The following ELFN1 variants were observed in gnomAD, a reference collection of about 807,000 sequenced individuals.
ELFN1 encodes the protein extracellular leucine rich repeat and fibronectin type III domain containing 1.
ELFN1 carries 6 observed loss-of-function variants against 7.6 expected under a neutral mutation model. That is an observed-to-expected ratio of 0.79 (90% CI 0.43 to 1.56). The LOEUF (loss-of-function observed/expected upper bound fraction) is 1.56. ELFN1 is among the 40% of genes most tolerant of loss of function. The pLI, the probability that ELFN1 is intolerant of heterozygous loss-of-function variation, is 0.01. For missense variants in ELFN1, 1,169 were observed against 1,232.2 expected, an observed-to-expected ratio of 0.95 and a Z score of 0.77; for synonymous variants, 657 against 588.1, an observed-to-expected ratio of 1.12 and a Z score of -1.70.
intron 2 of ELFN1, chr7:1,693,983 C>T (rs1779241848): frequency 5.3e-6 from 2 of 377,758 alleles, no homozygotes; most frequent in African/African-American, 2.1e-5. Flanking sequence ...TGGAGCAATA[C>T]AGCCCTGTCT....
intron 3 of ELFN1, among the ~76,000 whole-genome samples, chr7:1,726,130 G>A (rs927168423): frequency 2.6e-5 from 4 of 152,108 alleles, no homozygotes; most frequent in African/African-American, 9.7e-5. Flanking sequence ...GGCCTAGTGG[G>A]TCTTCGGCTG....
chr7:1,697,480 C>T (rs1305411557), intron 2 of ELFN1, among the ~76,000 whole-genome samples: 3 of 152,198 alleles, frequency 2.0e-5, no homozygotes, highest in African/African-American at 7.2e-5. Flanking sequence ...TGCCAGGTCC[C>T]GGCACAGCCG....
Position 1,747,257 on chromosome 7 carries a change from T to C in ELFN1, c.*174T>C. On this transcript the variant is annotated 3_prime_UTR_variant, in exon 4 of 4. Coordinates refer to ENST00000424383, the MANE Select transcript of ELFN1 (RefSeq NM_001128636.4). ...ACAAGGGGGACACGTCCCGAGCTCC[T>C]GTGGCCGGTCCTGGGATGCGCTTGT... 1 of 685,342 alleles carries C rather than the reference T, an allele frequency of 1.5e-6. No individual in the cohort carries two copies. The highest frequency in any genetic ancestry group is 2.2e-6 in the Non-Finnish European group (1 of 454,192). 42.5% of individuals were successfully genotyped at this position (685,342 alleles called of 1,614,324 possible). A position where few individuals can be genotyped will look rare whatever the true frequency, so the allele number is the denominator to read the frequency against.
intron 1 of ELFN1, among the ~76,000 whole-genome samples, chr7:1,684,427 C>G (rs373064182): frequency 1.6e-4 from 24 of 152,204 alleles, no homozygotes; most frequent in African/African-American, 5.5e-4. Flanking sequence ...CTGACAATCT[C>G]TGCTTTTTAT....
At chr7:1,693,224 C>T (rs1025377930) in intron 2 of ELFN1, 16 of 406,778 alleles carry the variant, frequency 3.9e-5, no homozygotes, top group Admixed American at 2.1e-4. Flanking sequence ...TGTTCATGGC[C>T]GCGTGGACAC....
intron 3 of ELFN1, among the ~76,000 whole-genome samples, chr7:1,730,819 A>T (rs540995576): frequency 1.3e-5 from 2 of 152,368 alleles, no homozygotes; most frequent in South Asian, 4.1e-4. Context: ...CATAGCAATA[A>T]GACATGAAAC....
intron 2 of ELFN1, among the ~76,000 whole-genome samples, chr7:1,701,557 C>T (rs909427268): frequency 3.9e-5 from 6 of 152,062 alleles, no homozygotes; most frequent in African/African-American, 1.4e-4. Flanking sequence ...TGCTTGTAAT[C>T]CCAGCACTTT....
chr7:1,693,539 A>G (rs1562362223), intron 2 of ELFN1: 1 of 471,240 alleles, frequency 2.1e-6, no homozygotes, highest in Non-Finnish European at 4.4e-6. Flanking sequence ...GTGCAAGAAC[A>G]CATACACGCC....
rs144318567 is a variant in ELFN1 at position 1,714,894 on chromosome 7, C to A, written c.-294+5642C>A. On this transcript the variant is annotated intron_variant, in intron 3 of 3. Coordinates refer to ENST00000424383, the MANE Select transcript of ELFN1 (RefSeq NM_001128636.4). Reference sequence around the variant, plus strand: ...AGACAGCAGCAGTGGAGCTGGTACACAGCCTAAGGGGGTTGTCAATGGTCC... The same window carrying A: ...AGACAGCAGCAGTGGAGCTGGTACAAAGCCTAAGGGGGTTGTCAATGGTCC... 7.0e-3 allele frequency among the ~76,000 whole-genome samples: 1,072 copies of A among 152,334 alleles called. 10 individuals are homozygous for A. The highest frequency in any genetic ancestry group is 0.024 in the African/African-American group (989 of 41,574).
At chr7:1,734,114 A>G (rs1003767481) in intron 3 of ELFN1, among the ~76,000 whole-genome samples, 4 of 152,308 alleles carry the variant, frequency 2.6e-5, no homozygotes, top group Admixed American at 6.5e-5. Flanking sequence ...AGGTCAGACT[A>G]AAGATAGAAC....
chr7:1,706,092 G>A (rs767177929), intron 2 of ELFN1, among the ~76,000 whole-genome samples: 18 of 152,260 alleles, frequency 1.2e-4, no homozygotes, highest in Non-Finnish European at 2.4e-4. Flanking sequence ...CCGATCCACC[G>A]CGGACCACAT....
intron 1 of ELFN1, among the ~76,000 whole-genome samples, chr7:1,685,441 A>G (rs1237463325): frequency 6.6e-6 from 1 of 152,060 alleles, no homozygotes; most frequent in South Asian, 2.1e-4. Flanking sequence ...TCCCATCACC[A>G]CATATGCTAG....
intron 1 of ELFN1, among the ~76,000 whole-genome samples, chr7:1,678,207 G>A (rs1778908335): frequency 6.6e-6 from 1 of 152,126 alleles, no homozygotes; most frequent in Non-Finnish European, 1.5e-5. Flanking sequence ...CACTGGGGAG[G>A]CATGCACAGG....
rs568980501 is a variant in ELFN1, at chr7:1,674,895, T to A, written c.-549+4541T>A. Among the ~76,000 whole-genome samples, 270 of 152,226 alleles carry A rather than the reference T, an allele frequency of 1.8e-3. 1 individual carries two copies. The highest frequency in any genetic ancestry group is 3.2e-3 in the Non-Finnish European group (221 of 68,002). On this transcript the variant is annotated intron_variant, in intron 1 of 3. Transcript: ENST00000424383. ...CCCAGCCATCACCAGGTCCACTGTG[T>A]TTGCTAGAGCCCCCAATTCAATCTC...
In ELFN1 at chr7:1,681,907, G is replaced by T. The variant is rs568153688; in HGVS notation, c.-548-6151G>T. The stretch of plus-strand genomic sequence containing the variant: ...ATTCATATTTCTTCTTTGATAAAAT[G>T]TCTATTCAAATCTCTTGCCCATATT... On this transcript the variant is annotated intron_variant, in intron 1 of 3. Transcript: ENST00000424383. Among the ~76,000 whole-genome samples, 131 of 152,280 alleles carry T rather than the reference G, an allele frequency of 8.6e-4. 1 individual carries two copies. The highest frequency in any genetic ancestry group is 3.0e-3 in the African/African-American group (125 of 41,558).
chr7:1,678,850 G>C (rs1213757741), intron 1 of ELFN1, among the ~76,000 whole-genome samples: 1 of 152,234 alleles, frequency 6.6e-6, no homozygotes, highest in Admixed American at 6.5e-5. Context: ...CAGCGAAATC[G>C]GGAGTGTGGG....
At position 1,746,785 on chromosome 7, in the gene ELFN1, TG is replaced by T; in HGVS notation, c.2193del (p.Arg732AlafsTer29). 1 of 1,526,250 alleles carries T rather than the reference TG, an allele frequency of 6.6e-7. No individual in the cohort carries two copies. 94.5% of individuals were successfully genotyped at this position (1,526,250 alleles called of 1,614,324 possible). On this transcript the variant is annotated frameshift_variant, in exon 4 of 4. Transcript: ENST00000424383. LOFTEE classifies it high-confidence loss of function. ...CCGCCGCCGCCTCCGCACGAGGGCCTGGGGCGCAAGGCGTCCATCCTGGAGC... is the reference window on the plus strand; with the variant it reads ...CCGCCGCCGCCTCCGCACGAGGGCCTGGGCGCAAGGCGTCCATCCTGGAGC... ...GPPPPPPHEG[L>X]GRKASILEPL...
Position 1,746,033 on chromosome 7 carries a change from C to T in ELFN1, c.1437C>T (p.Gly479=). Residue 479 remains glycine (G), a synonymous_variant, in exon 4 of 4, where the codon GGC becomes GGT. Transcript: ENST00000424383. ...LKYGPELEAP[G]LAPLSQGPLL... is the part of the protein sequence containing the mutation. ...ACGGGCCAGAGCTGGAGGCGCCCGG[C>T]CTGGCCCCGCTGTCCCAGGGCCCGC... 2.6e-6 allele frequency: 4 copies of T among 1,545,830 alleles called. No homozygotes were observed. Among genetic ancestry groups the T allele is most frequent in the Non-Finnish European group, 3.5e-6 (4 of 1,144,354 alleles).
At chr7:1,714,845 G>T (rs576084813) in intron 3 of ELFN1, among the ~76,000 whole-genome samples, 1 of 152,226 alleles carries the variant, frequency 6.6e-6, no homozygotes, top group Non-Finnish European at 1.5e-5. Flanking sequence ...TGAACCCCAC[G>T]TGGGGGTCAT....
Sources: gnomAD v4.1 joint callset for allele counts (sites outside exome capture counted in the v4.1 genomes callset) on GRCh38, gnomAD v4.1.1 for gene constraint, MANE v1.5 for transcripts, NCBI Gene and HGNC (gene_info 2026-07-23, HGNC 2026-07-21) for gene names.